MUC5AC: variants seen among roughly 807,000 people sequenced by gnomAD.
MUC5AC encodes the protein mucin-5AC.
In MUC5AC, 158 loss-of-function variants were observed where a neutral mutation model predicts 169.7. That is an observed-to-expected ratio of 0.93 (90% confidence interval 0.82 to 1.06). The LOEUF (loss-of-function observed/expected upper bound fraction) is 1.06, where lower values mean the gene tolerates loss of function less well. Ranked by LOEUF, MUC5AC falls within the 50% of genes least tolerant of loss-of-function variation. The pLI is 0.00. For synonymous variants in MUC5AC, 1,975 were observed against 1,237.0 expected (o/e 1.60, Z -12.52); for missense variants, 4,359 against 3,089.9 (o/e 1.41, Z -9.74).
intron 35 of MUC5AC, 81 bp from the exon 36 acceptor site, chr11:1,194,931 A>G: frequency 3.1e-6 from 2 of 646,204 alleles, no homozygotes; most frequent in Non-Finnish European, 5.7e-6. Context: ...ACCCTGAGAC[A>G]CCAGGGTCCT....
intron 35 of MUC5AC, 92 bp downstream of exon 35, chr11:1,194,762 T>G: frequency 4.7e-6 from 3 of 643,390 alleles, no homozygotes; most frequent in Non-Finnish European, 8.4e-6. Flanking sequence ...CGTGTGCCGG[T>G]GTCTCTGCTT....
Position 1,178,526 on chromosome 11 carries a change from A to G in MUC5AC, c.3170A>G (p.Asp1057Gly). ...ACGCGGAGCCGGTCTGTGGTGGGGG[A>G]CGTGCTGGAGTTTGGGAACAGCTGG... ...FATRSRSVVG[D>G]VLEFGNSWKL... The change falls in exon 25 of 49, where the codon GAC (aspartate) becomes GGC (glycine). Residue 1057 changes from aspartate to glycine, a missense_variant. Asp to Gly is a moderately conservative substitution (Grantham distance 94). Coordinates refer to ENST00000621226, the MANE Select transcript of MUC5AC (RefSeq NM_001304359.2). 7.7e-7 allele frequency: 1 copy of G among 1,290,330 alleles called. No individual in the cohort carries two copies. The highest frequency in any genetic ancestry group is 1.0e-6 in the Non-Finnish European group (1 of 982,558). The allele number at this position is 1,290,330 out of a possible 1,614,324, so 79.9% of individuals were successfully genotyped here.
At chr11:1,172,601 C>G (rs1189705768) in intron 16 of MUC5AC, 78 bp downstream of exon 16, 1 of 398,546 alleles carries the variant, frequency 2.5e-6, no homozygotes, top group Non-Finnish European at 4.4e-6. Context: ...GCTGGGAGGG[C>G]ACTGGTGGGC....
chr11:1,192,797 C>T lies in MUC5AC; in HGVS notation c.14395C>T (p.Arg4799Cys), dbSNP rs767682534. The T allele has an allele frequency of 2.0e-5, 15 of 760,682 alleles. 1 individual carries two copies. Among genetic ancestry groups the T allele is most frequent in the South Asian group, 9.4e-5 (7 of 74,478 alleles). 47.1% of individuals were successfully genotyped at this position (760,682 alleles called of 1,614,324 possible). A position where few individuals can be genotyped will look rare whatever the true frequency, so the allele number is the denominator to read the frequency against. The part of the protein sequence containing the change: ...RLYPAGSTIY[R>C]HRDLAGHCYY... The stretch of plus-strand genomic sequence containing the variant: ...TCCTCTTACAGGATCCACCATATAC[C>T]GCCACAGAGACCTCGCTGGCCATTG... The change falls in exon 32 of 49, where the codon CGC (arginine) becomes TGC (cysteine). Residue 4799 changes from arginine (R) to cysteine (C), a missense_variant. Arg to Cys is a radical substitution (Grantham distance 180). Coordinates refer to ENST00000621226, the MANE Select transcript of MUC5AC (RefSeq NM_001304359.2).
chr11:1,165,928 C>T (rs1167566296), intron 11 of MUC5AC, among the ~76,000 whole-genome samples, 168 bp downstream of exon 11: 1 of 152,162 alleles, frequency 6.6e-6, no homozygotes, highest in Non-Finnish European at 1.5e-5. Flanking sequence ...CGCTAGTCCT[C>T]ACAGGGCCAT....
At chr11:1,181,730 T>TG (rs1860819849) in intron 30 of MUC5AC, among the ~76,000 whole-genome samples, 2 of 152,270 alleles carry the variant, frequency 1.3e-5, no homozygotes, top group African/African-American at 4.8e-5. Context: ...CCTGGCCTCA[T>TG]TGGGGTGTCA....
chr11:1,160,148 C>A (rs1259452043), intron 1 of MUC5AC, among the ~76,000 whole-genome samples: 1 of 152,128 alleles, frequency 6.6e-6, no homozygotes, highest in Non-Finnish European at 1.5e-5. Context: ...CCCTGAAGAT[C>A]AGCCTCCTGC....
At chr11:1,170,582 TACTC>T (rs1461134096) in intron 15 of MUC5AC, among the ~76,000 whole-genome samples, 3 of 22,484 alleles carry the variant, frequency 1.3e-4, no homozygotes, top group South Asian at 2.0e-3. Flanking sequence ...CCCACTCACC[TACTC>T]ACTCACTCAC....
chr11:1,160,800 C>A (rs1860120218), intron 2 of MUC5AC, 111 bp downstream of exon 2: 1 of 1,110,316 alleles, frequency 9.0e-7, no homozygotes, highest in Non-Finnish European at 1.3e-6. Context: ...CTGGCCACTG[C>A]TGAGGACCAA....
intron 36 of MUC5AC, among the ~76,000 whole-genome samples, 200 bp downstream of exon 36, chr11:1,195,479 C>T (rs1001151355): frequency 6.6e-5 from 10 of 150,990 alleles, no homozygotes; most frequent in East Asian, 2.0e-4. Flanking sequence ...GGGCGGGTGC[C>T]GGGAAGGGGT....
chr11:1,179,185 G>A lies in MUC5AC; in HGVS notation c.3421G>A (p.Ala1141Thr), dbSNP rs889210156. The A allele has an allele frequency of 2.5e-5, 17 of 680,794 alleles. No individual in the cohort carries two copies. Among genetic ancestry groups the A allele is most frequent in the South Asian group, 1.7e-4 (11 of 64,612 alleles). 42.2% of individuals were successfully genotyped at this position (680,794 alleles called of 1,614,324 possible). The stretch of plus-strand genomic sequence containing the variant: ...CGAGTGCTTCTGCACGGCTGTGGCC[G>A]CCTACGCCCAGGCCTGCCATGAAGT... ...DCECFCTAVA[A>T]YAQACHEVGL... Residue 1141 changes from alanine (A) to threonine (T), a missense_variant, in exon 26 of 49, where the codon GCC (alanine) becomes ACC (threonine). By Grantham distance (58) the Ala-to-Thr change is moderately conservative (BLOSUM62 0). Coordinates refer to ENST00000621226, the MANE Select transcript of MUC5AC (RefSeq NM_001304359.2).
Position 1,191,163 on chromosome 11 carries a change from G to T in MUC5AC, c.13018G>T (p.Gly4340Cys). 1.4e-6 allele frequency: 1 copy of T among 723,948 alleles called. No homozygotes were observed. Among genetic ancestry groups the T allele is most frequent in the South Asian group, 1.4e-5 (1 of 70,636 alleles). 44.8% of individuals were successfully genotyped at this position (723,948 alleles called of 1,614,324 possible). Residue 4340 changes from glycine (G) to cysteine (C), a missense_variant, in exon 31 of 49, where the codon GGT becomes TGT. Coordinates refer to ENST00000621226, the MANE Select transcript of MUC5AC (RefSeq NM_001304359.2). The stretch of plus-strand genomic sequence containing the variant: ...TGCTCCTATAACCAGCACAACCTCT[G>T]GTCCTGGAAGTACTCCCAGCCCTGT... Reference protein sequence around the residue: ...TSAPITSTTSGPGSTPSPVPT... With the variant: ...TSAPITSTTSCPGSTPSPVPT...
rs1860989120 is a variant in MUC5AC, at chr11:1,187,711, G to T, written c.9566G>T (p.Ser3189Ile). The T allele has an allele frequency of 1.3e-6, 1 of 764,660 alleles. No individual in the cohort carries two copies. Among genetic ancestry groups the T allele is most frequent in the Admixed American group, 1.7e-5 (1 of 58,964 alleles). The allele number at this position is 764,660 out of a possible 1,614,324, so 47.4% of individuals were successfully genotyped here. ...ACCCCTGGTCCTGGAACCACTCCCA[G>T]CCCCGTTCCCACCACCAGCACAGCC... The part of the protein sequence containing the change: ...STTPGPGTTP[S>I]PVPTTSTASV... The change falls in exon 31 of 49, where the codon AGC becomes ATC. Residue 3189 changes from serine (S) to isoleucine (I), a missense_variant. Physicochemically the swap from Ser to Ile is moderately radical, Grantham distance 142. Coordinates refer to ENST00000621226, the MANE Select transcript of MUC5AC (RefSeq NM_001304359.2).
chr11:1,186,523 C>T lies in MUC5AC; in HGVS notation c.8378C>T (p.Thr2793Ile). The T allele has an allele frequency of 1.4e-6, 1 of 696,524 alleles. No individual in the cohort carries two copies. Among genetic ancestry groups the T allele is most frequent in the African/African-American group, 1.7e-5 (1 of 57,196 alleles). The allele number at this position is 696,524 out of a possible 1,614,324, so 43.1% of individuals were successfully genotyped here. A position where few individuals can be genotyped will look rare whatever the true frequency, so the allele number is the denominator to read the frequency against. Reference sequence around the variant, plus strand: ...ACAACCAGCACAACTTTGTCTCCTACAACCAGCACAACCTCTACTACTATA... The same window carrying T: ...ACAACCAGCACAACTTTGTCTCCTATAACCAGCACAACCTCTACTACTATA... ...APTTSTTLSP[T>I]TSTTSTTITS... is the part of the protein sequence containing the mutation. The change falls in exon 31 of 49, where the codon ACA (threonine) becomes ATA (isoleucine). Residue 2793 changes from threonine (T) to isoleucine (I), a missense_variant. Thr to Ile is a moderately conservative substitution (Grantham distance 89). Transcript: ENST00000621226.
At chr11:1,200,378 G>A (rs944576129) in intron 48 of MUC5AC, 60 bp from the exon 49 acceptor site, 36 of 630,804 alleles carry the variant, frequency 5.7e-5, no homozygotes, top group Admixed American at 4.6e-4. Context: ...GCACGGCGCC[G>A]GCTTACGGCA....
chr11:1,171,616 CTCACGA>C (rs1860542130), intron 15 of MUC5AC, among the ~76,000 whole-genome samples: 1 of 139,674 alleles, frequency 7.2e-6, no homozygotes, highest in Non-Finnish European at 1.6e-5. Flanking sequence ...CATTCACCCA[CTCACGA>C]ACTCACTCAC....
rs1369282447 is a variant in MUC5AC at position 1,191,753 on chromosome 11, C to T, written c.13608C>T (p.Ser4536=). ...GCACAACCTCTGCCTCTACAGCCAGCACAACCTCTGGTCCTGGAACTTCTC... is the reference window on the plus strand; with the variant it reads ...GCACAACCTCTGCCTCTACAGCCAGTACAACCTCTGGTCCTGGAACTTCTC... ...TTSTTSASTA[S]TTSGPGTSLS... Residue 4536 remains serine (S), a synonymous_variant, in exon 31 of 49, where the codon AGC becomes AGT. Transcript: ENST00000621226. 1.3e-6 allele frequency: 1 copy of T among 752,974 alleles called. No homozygotes were observed. The highest frequency in any genetic ancestry group is 1.7e-5 in the African/African-American group (1 of 57,848). The allele number at this position is 752,974 out of a possible 1,614,324, so 46.6% of individuals were successfully genotyped here.
rs1214447353 is a variant in MUC5AC at position 1,191,471 on chromosome 11, C to T, written c.13326C>T (p.Ser4442=). The change falls in exon 31 of 49, where the codon AGC becomes AGT. Residue 4442 remains serine, a synonymous_variant. Transcript: ENST00000621226. ...STTSGPGTTP[S]PVPTTSTTSA... is the part of the protein sequence containing the mutation. ...CCTCTGGTCCTGGAACTACTCCCAG[C>T]CCTGTTCCCACCACAAGCACAACCT... is the stretch of plus-strand genomic sequence containing the variant. The T allele has an allele frequency of 5.3e-6, 4 of 754,340 alleles. No homozygotes were observed. The highest frequency in any genetic ancestry group is 5.1e-5 in the African/African-American group (3 of 58,424). 46.7% of individuals were successfully genotyped at this position (754,340 alleles called of 1,614,324 possible). A position where few individuals can be genotyped will look rare whatever the true frequency, so the allele number is the denominator to read the frequency against.
chr11:1,167,259 C>A (rs28493720), intron 11 of MUC5AC, among the ~76,000 whole-genome samples: 1 of 140,570 alleles, frequency 7.1e-6, no homozygotes, highest in Admixed American at 7.2e-5. Context: ...CAGTCTCTCC[C>A]AGATGAGACT....
Sources: gnomAD v4.1 joint callset for allele counts (sites outside exome capture counted in the v4.1 genomes callset) on GRCh38, gnomAD v4.1.1 for gene constraint, MANE v1.5 for transcripts, NCBI Gene and HGNC (gene_info 2026-07-23, HGNC 2026-07-21) for gene names.